PTPRK: variants seen among roughly 807,000 people sequenced by gnomAD.
The protein encoded by PTPRK is protein tyrosine phosphatase receptor type K.
A neutral mutation model predicts 178.0 loss-of-function variants in PTPRK; 75 were observed. The observed-to-expected ratio is 0.42, with a 90% confidence interval of 0.35 to 0.51. The LOEUF is 0.51. PTPRK is among the 20% of genes least tolerant of loss of function. The probability of loss-of-function intolerance (pLI) is 0.02; values close to 1 mark genes in which losing one functional copy is unlikely to be tolerated. For synonymous variants in PTPRK, 637 were observed against 620.6 expected (o/e 1.03, Z -0.39); for missense variants, 1,441 against 1,797.8 (o/e 0.80, Z 3.59).
At chr6:128,292,293 T>C (rs1375095237) in intron 3 of PTPRK, among the ~76,000 whole-genome samples, 1 of 152,136 alleles carries the variant, frequency 6.6e-6, no homozygotes, top group Admixed American at 6.6e-5. Context: ...ATGGAAATTA[T>C]GCCATATATT....
At chr6:128,426,350 G>T (rs1006034618) in intron 1 of PTPRK, among the ~76,000 whole-genome samples, 1 of 152,082 alleles carries the variant, frequency 6.6e-6, no homozygotes, top group African/African-American at 2.4e-5. Context: ...AGAGAACACT[G>T]TTTCTATTTT....
At chr6:128,479,594 T>C (rs902299259) in intron 1 of PTPRK, among the ~76,000 whole-genome samples, 3 of 152,130 alleles carry the variant, frequency 2.0e-5, no homozygotes, top group Admixed American at 6.5e-5. Flanking sequence ...GTTTCACACA[T>C]AGGTTTTCAC....
intron 1 of PTPRK, 146 bp downstream of exon 1, chr6:128,520,113 A>G: frequency 3.1e-6 from 2 of 639,770 alleles, no homozygotes; most frequent in Non-Finnish European, 5.1e-6. Flanking sequence ...AACTCTGGGG[A>G]CAGCCCTCCC....
At chr6:128,264,053 A>G (rs1161789250) in intron 3 of PTPRK, among the ~76,000 whole-genome samples, 1 of 152,182 alleles carries the variant, frequency 6.6e-6, no homozygotes, top group Non-Finnish European at 1.5e-5. Context: ...ATGAGAAAAA[A>G]GCCATACCCA....
At chr6:128,469,349 T>C (rs374424603) in intron 1 of PTPRK, among the ~76,000 whole-genome samples, 53 of 152,276 alleles carry the variant, frequency 3.5e-4, no homozygotes, top group African/African-American at 1.2e-3. Context: ...AACCTAAAAA[T>C]ACCTCCAAAA....
intron 2 of PTPRK, among the ~76,000 whole-genome samples, chr6:128,352,881 T>C (rs1833383895): frequency 6.6e-6 from 1 of 152,192 alleles, no homozygotes; most frequent in African/African-American, 2.4e-5. Context: ...AGTAATAAAA[T>C]AGTTTGTTCA....
intron 7 of PTPRK, among the ~76,000 whole-genome samples, chr6:128,149,941 G>A (rs1797027431): frequency 6.6e-6 from 1 of 152,126 alleles, no homozygotes; most frequent in African/African-American, 2.4e-5. Flanking sequence ...AGTGTTCTGA[G>A]AGTTACAACA....
chr6:128,056,529 CTT>C (rs890837989), intron 13 of PTPRK, among the ~76,000 whole-genome samples: 7 of 151,572 alleles, frequency 4.6e-5, no homozygotes, highest in Middle Eastern at 3.4e-3. Context: ...GGTTCAAGCT[CTT>C]CTCCTGTCTC....
At chr6:128,155,099 T>A (rs1345741914) in intron 7 of PTPRK, among the ~76,000 whole-genome samples, 1 of 151,788 alleles carries the variant, frequency 6.6e-6, no homozygotes, top group Non-Finnish European at 1.5e-5. Context: ...ATACATTATA[T>A]AATAGAAAGT....
At position 128,435,682 on chromosome 6, in the gene PTPRK, G is replaced by C. The variant is rs116673407; in HGVS notation, c.101-37994C>G. Among the ~76,000 whole-genome samples the C allele has an allele frequency of 2.8e-3, 430 of 152,290 alleles. 3 individuals are homozygous for C. The highest frequency in any genetic ancestry group is 0.01 in the African/African-American group (418 of 41,550). On this transcript the variant is annotated intron_variant, in intron 1 of 29. Coordinates refer to ENST00000368226, the MANE Select transcript of PTPRK (RefSeq NM_002844.4). Reference sequence around the variant, plus strand: ...GAAATGCTAACCCAAAGAACTGTTAGAGACTTCTCTTAAGGGACGAATCAC... The same window carrying C: ...GAAATGCTAACCCAAAGAACTGTTACAGACTTCTCTTAAGGGACGAATCAC...
chr6:128,350,549 T>C (rs1832985335), intron 2 of PTPRK, among the ~76,000 whole-genome samples: 1 of 152,142 alleles, frequency 6.6e-6, no homozygotes, highest in East Asian at 1.9e-4. Flanking sequence ...TCCAAACAGA[T>C]GGATGAAAGG....
intron 1 of PTPRK, among the ~76,000 whole-genome samples, chr6:128,480,839 C>T (rs1308840447): frequency 6.6e-6 from 1 of 152,180 alleles, no homozygotes; most frequent in African/African-American, 2.4e-5. Context: ...GCCCACTCTT[C>T]ATACATCACA....
chr6:128,408,066 G>A (rs566936455), intron 1 of PTPRK, among the ~76,000 whole-genome samples: 150 of 152,190 alleles, frequency 9.9e-4, no homozygotes, highest in African/African-American at 3.3e-3. Context: ...TTTCTGACAC[G>A]GACATCCTGG....
chr6:127,999,989 C>T lies in PTPRK; in HGVS notation c.2495-1085G>A. ...AAGAAAAGAACAAGAACATTTTTGC[C>T]TATGAAGAATAAACAGTACTTTAAT... On this transcript the variant is annotated intron_variant, in intron 15 of 29. Coordinates refer to ENST00000368226, the MANE Select transcript of PTPRK (RefSeq NM_002844.4). The T allele has an allele frequency of 4.3e-6, 4 of 931,812 alleles. No individual in the cohort carries two copies. The South Asian group carries it at 1.5e-4, about 35-fold the overall frequency. The allele number at this position is 931,812 out of a possible 1,614,324, so 57.7% of individuals were successfully genotyped here.
chr6:128,135,841 A>T (rs1238323635), intron 7 of PTPRK, among the ~76,000 whole-genome samples: 1 of 151,784 alleles, frequency 6.6e-6, no homozygotes. Flanking sequence ...AAAAAAAAAT[A>T]AAAATAAAAA....
chr6:128,293,863 A>G (rs765828236), intron 3 of PTPRK, among the ~76,000 whole-genome samples: 4 of 152,112 alleles, frequency 2.6e-5, no homozygotes, highest in Non-Finnish European at 5.9e-5. Flanking sequence ...AAAAAGCACA[A>G]AAGAGACACA....
chr6:128,357,132 T>A (rs1834066734), intron 2 of PTPRK, among the ~76,000 whole-genome samples: 1 of 152,184 alleles, frequency 6.6e-6, no homozygotes, highest in Non-Finnish European at 1.5e-5. Flanking sequence ...CAGGGATCCA[T>A]CCTTCCTGAA....
chr6:128,110,921 G>A (rs1203612909), intron 7 of PTPRK, among the ~76,000 whole-genome samples: 1 of 152,108 alleles, frequency 6.6e-6, no homozygotes, highest in Non-Finnish European at 1.5e-5. Context: ...ATTTCAGGTG[G>A]TGTGCCCAAA....
chr6:128,235,188 G>T (rs182653685), intron 5 of PTPRK, among the ~76,000 whole-genome samples: 1 of 151,734 alleles, frequency 6.6e-6, no homozygotes, highest in African/African-American at 2.4e-5. Context: ...AATAATTCAA[G>T]AATATTAAAA....
Sources: gnomAD v4.1 joint callset for allele counts (sites outside exome capture counted in the v4.1 genomes callset) on GRCh38, gnomAD v4.1.1 for gene constraint, MANE v1.5 for transcripts, NCBI Gene and HGNC (gene_info 2026-07-23, HGNC 2026-07-21) for gene names.